Variants in CUX1 observed in about 807,000 individuals in gnomAD.
CUX1 encodes cut like homeobox 1.
Under a neutral mutation model 158.8 loss-of-function variants are expected in CUX1, and 31 were observed. The ratio of observed to expected loss-of-function variants is 0.20; its 90% CI spans 0.15 to 0.26. The LOEUF (loss-of-function observed/expected upper bound fraction) is 0.26. Ranked by LOEUF, CUX1 falls within the 10% of genes least tolerant of loss-of-function variation. The pLI is 1.00. For missense variants in CUX1, 1,589 were observed against 2,014.6 expected, an observed-to-expected ratio of 0.79 and a Z score of 4.04; for synonymous variants, 879 against 862.1, an observed-to-expected ratio of 1.02 and a Z score of -0.34.
rs896105353 is a variant in CUX1 at position 102,197,848 on chromosome 7, G to A, written c.1894+543G>A. 2.0e-5 allele frequency among the ~76,000 whole-genome samples: 3 copies of A among 152,122 alleles called. No individual in the cohort carries two copies. In the South Asian group the frequency reaches 6.2e-4, roughly 31 times the overall value. On this transcript the variant is annotated intron_variant, in intron 15 of 23. Coordinates refer to ENST00000292535, the MANE Select transcript of CUX1 (RefSeq NM_181552.4). ...TCACGGTCCATTAGTGATTTGTTTA[G>A]CATTATGAGTAAAACAGGCCTGGCT...
Position 102,252,229 on chromosome 7 carries a change from C to T in CUX1, c.*3187C>T. On this transcript the variant is annotated 3_prime_UTR_variant, in exon 24 of 24. Coordinates refer to ENST00000292535, the MANE Select transcript of CUX1 (RefSeq NM_181552.4). ...CTAAAATAATACAGCAATCCGTGGC[C>T]AGGGGAGCACCCCCTCCTGGTTGGG... is the stretch of plus-strand genomic sequence containing the variant. The T allele has an allele frequency of 1.0e-6, 1 of 985,400 alleles. No individual in the cohort carries two copies. The highest frequency in any genetic ancestry group is 1.2e-6 in the Non-Finnish European group (1 of 829,962). 61.0% of individuals were successfully genotyped at this position (985,400 alleles called of 1,614,324 possible). A position where few individuals can be genotyped will look rare whatever the true frequency, so the allele number is the denominator to read the frequency against.
At chr7:101,927,940 G>T (rs571945556) in intron 2 of CUX1, among the ~76,000 whole-genome samples, 1 of 152,286 alleles carries the variant, frequency 6.6e-6, no homozygotes, top group African/African-American at 2.4e-5. Flanking sequence ...ATCTCAGGAC[G>T]GCCGCTTTGT....
intron 1 of CUX1, among the ~76,000 whole-genome samples, chr7:101,819,880 A>T (rs1372713509): frequency 6.6e-6 from 1 of 152,166 alleles, no homozygotes; most frequent in Non-Finnish European, 1.5e-5. Flanking sequence ...GTCGGTAGTT[A>T]GCCAACCTAA....
At chr7:102,197,759 G>A (rs1794944506) in intron 15 of CUX1, among the ~76,000 whole-genome samples, 1 of 152,076 alleles carries the variant, frequency 6.6e-6, no homozygotes. Flanking sequence ...CATCACAGAT[G>A]ACACCTCCCC....
At chr7:102,043,719 G>C (rs1212542199) in intron 3 of CUX1, among the ~76,000 whole-genome samples, 1 of 152,144 alleles carries the variant, frequency 6.6e-6, no homozygotes, top group East Asian at 1.9e-4. Context: ...TAACAATACT[G>C]ATTTCAATCC....
At chr7:102,040,428 C>T (rs967816609) in intron 3 of CUX1, among the ~76,000 whole-genome samples, 10 of 152,148 alleles carry the variant, frequency 6.6e-5, no homozygotes, top group African/African-American at 2.4e-4. Context: ...TAGTAGGGCC[C>T]GGGTCATGCC....
In CUX1 at chr7:101,939,171, C is replaced by T. The variant is rs115778457; in HGVS notation, c.141+22946C>T. Among the ~76,000 whole-genome samples the T allele has an allele frequency of 5.6e-3, 817 of 145,770 alleles. 15 individuals carry two copies. The highest frequency in any genetic ancestry group is 0.02 in the African/African-American group (777 of 39,308). On this transcript the variant is annotated intron_variant, in intron 2 of 23. Transcript: ENST00000292535. ...GCCTCTATGTAGTCAGTCCCTTCCC[C>T]CACCCTCAGCCCATGGTAACCACTT... is the stretch of plus-strand genomic sequence containing the variant.
intron 2 of CUX1, among the ~76,000 whole-genome samples, chr7:101,994,005 C>G (rs202158): frequency 0.72 from 108,945 of 152,158 alleles, 39,400 homozygotes; most frequent in East Asian, 0.99. Context: ...CTCCCAGAGC[C>G]CATCTGTCTC....
chr7:102,144,343 C>T (rs441986), intron 8 of CUX1, among the ~76,000 whole-genome samples: 5 of 151,906 alleles, frequency 3.3e-5, no homozygotes, highest in African/African-American at 9.7e-5. Context: ...GTTAAATTTC[C>T]GACGTACGCG....
intron 2 of CUX1, among the ~76,000 whole-genome samples, chr7:101,936,768 C>G (rs1806996194): frequency 6.6e-6 from 1 of 152,154 alleles, no homozygotes; most frequent in Non-Finnish European, 1.5e-5. Flanking sequence ...TCTGCCCTGG[C>G]CACGTGGGAC....
At chr7:101,864,281 C>A (rs1177372844) in intron 1 of CUX1, among the ~76,000 whole-genome samples, 1 of 152,020 alleles carries the variant, frequency 6.6e-6, no homozygotes, top group East Asian at 1.9e-4. Flanking sequence ...CCACCTCAGC[C>A]TCCTGAGTAG....
intron 4 of CUX1, among the ~76,000 whole-genome samples, chr7:102,091,350 G>A (rs571667907): frequency 4.5e-4 from 69 of 151,830 alleles, no homozygotes; most frequent in Non-Finnish European, 5.3e-4. Context: ...TCTGTTTTGA[G>A]GACAGGGTCT....
chr7:101,981,179 C>T (rs910304786), intron 2 of CUX1, among the ~76,000 whole-genome samples: 1 of 152,004 alleles, frequency 6.6e-6, no homozygotes, highest in African/African-American at 2.4e-5. Context: ...TGAGCCAGTA[C>T]TGTGTCCCCG....
At chr7:102,208,058 T>C (rs1287940633) in intron 20 of CUX1, among the ~76,000 whole-genome samples, 4 of 152,044 alleles carry the variant, frequency 2.6e-5, no homozygotes, top group African/African-American at 9.7e-5. Flanking sequence ...TGTGATGGCA[T>C]GCACCTGTAG....
chr7:102,079,259 G>A (rs1331978088), intron 4 of CUX1, among the ~76,000 whole-genome samples: 8 of 152,102 alleles, frequency 5.3e-5, no homozygotes, highest in Admixed American at 5.2e-4. Context: ...CAAACATGGT[G>A]AAACCCCGTC....
chr7:102,194,113 G>A, intron 13 of CUX1: 1 of 583,752 alleles, frequency 1.7e-6, no homozygotes, highest in Non-Finnish European at 3.0e-6. Context: ...TAGATCAAAA[G>A]CCAAGCTGGG....
At chr7:101,819,529 T>C (rs556317735) in intron 1 of CUX1, among the ~76,000 whole-genome samples, 38 of 152,316 alleles carry the variant, frequency 2.5e-4, no homozygotes, top group African/African-American at 7.5e-4. Context: ...TGGCTTTTTT[T>C]CCCCCTGTTG....
At chr7:102,044,727 C>T (rs1010572134) in intron 3 of CUX1, among the ~76,000 whole-genome samples, 1 of 152,110 alleles carries the variant, frequency 6.6e-6, no homozygotes, top group Non-Finnish European at 1.5e-5. Flanking sequence ...GTGCGAGCAT[C>T]TACTTTGGTT....
At position 102,257,342 on chromosome 7, in the gene CUX1, A is replaced by ATT; in HGVS notation, c.*8302_*8303dup. On this transcript the variant is annotated 3_prime_UTR_variant, in exon 24 of 24. Transcript: ENST00000292535. ...TCATTTTTCTCTAATTAGTCTATGC[A>ATT]TTTCTCTCTCTCAAACCATCTTCTG... The ATT allele has an allele frequency of 3.1e-6, 3 of 981,918 alleles. No individual in the cohort carries two copies. The highest frequency in any genetic ancestry group is 3.6e-6 in the Non-Finnish European group (3 of 829,322). The allele number at this position is 981,918 out of a possible 1,614,324, so 60.8% of individuals were successfully genotyped here.
Sources: allele counts gnomAD v4.1 joint callset (sites outside exome capture counted in the v4.1 genomes callset), GRCh38; gene constraint gnomAD v4.1.1; transcripts MANE v1.5; gene names NCBI Gene and HGNC (gene_info 2026-07-23, HGNC 2026-07-21).